DLX1: variants seen among roughly 807,000 people sequenced by gnomAD.
The protein encoded by DLX1 is distal-less homeobox 1.
Under a neutral mutation model 25.0 loss-of-function variants are expected in DLX1, and 7 were observed. The observed-to-expected ratio is 0.28, with a 90% confidence interval of 0.16 to 0.52. The LOEUF (loss-of-function observed/expected upper bound fraction) is 0.52, where lower values mean the gene tolerates loss of function less well. Ranked by LOEUF, DLX1 falls within the 20% of genes least tolerant of loss-of-function variation. The pLI is 0.96. For missense variants in DLX1, 233 were observed against 334.4 expected (o/e 0.70, Z 2.37); for synonymous variants, 155 against 140.3 (o/e 1.10, Z -0.74).
chr2:172,085,614 C>T lies in DLX1; in HGVS notation c.-64C>T. 1 of 1,526,838 alleles carries T rather than the reference C, an allele frequency of 6.5e-7. No individual in the cohort carries two copies. The highest frequency in any genetic ancestry group is 8.9e-7 in the Non-Finnish European group (1 of 1,129,910). 94.6% of individuals were successfully genotyped at this position (1,526,838 alleles called of 1,614,324 possible). A position where few individuals can be genotyped will look rare whatever the true frequency, so the allele number is the denominator to read the frequency against. ...TTGGGTTCCTTCCTGTCCTGAGAAA[C>T]ATAGAGACCCCCAAAAGGGAAGCAG... On this transcript the variant is annotated 5_prime_UTR_variant, in exon 1 of 3. Coordinates refer to ENST00000361725, the MANE Select transcript of DLX1 (RefSeq NM_178120.5). This position sits in a 1 kb window ranked among gnomAD's most constrained non-coding sequence, Gnocchi z 4.3.
At chr2:172,086,475 C>A (rs1162769428) in intron 1 of DLX1, 179 bp from the exon 2 acceptor site, 2 of 608,674 alleles carry the variant, frequency 3.3e-6, no homozygotes, top group Non-Finnish European at 5.6e-6. Context: ...ATCCCTCCTG[C>A]AGCGTCCCGG....
chr2:172,087,188 C>T (rs1000421233), intron 2 of DLX1: 11 of 524,716 alleles, frequency 2.1e-5, no homozygotes, highest in Middle Eastern at 3.5e-4. Context: ...CGGGCTTAAT[C>T]CCTCCTTTGC....
Position 172,088,436 on chromosome 2 carries a change from T to G in DLX1, c.*179T>G. The G allele has an allele frequency of 2.6e-6, 2 of 772,774 alleles. No individual in the cohort carries two copies. Among genetic ancestry groups the G allele is most frequent in the Non-Finnish European group, 3.6e-6 (2 of 550,516 alleles). 47.9% of individuals were successfully genotyped at this position (772,774 alleles called of 1,614,324 possible). A position where few individuals can be genotyped will look rare whatever the true frequency, so the allele number is the denominator to read the frequency against. Reference sequence around the variant, plus strand: ...CAGCAACTTCCCGGCATCCGCGCTCTAGCCTGAACCCTGGCCTGGGCCGAG... The same window carrying G: ...CAGCAACTTCCCGGCATCCGCGCTCGAGCCTGAACCCTGGCCTGGGCCGAG... On this transcript the variant is annotated 3_prime_UTR_variant, in exon 3 of 3. Coordinates refer to ENST00000361725, the MANE Select transcript of DLX1 (RefSeq NM_178120.5).
In DLX1 at chr2:172,088,391, G is replaced by C. The variant is rs910649773; in HGVS notation, c.*134G>C. The stretch of plus-strand genomic sequence containing the variant: ...AGGCGGGACGCCCTCCATCTCCTCG[G>C]AGCCCCGCGAGGTCCGGCCCAGCAA... On this transcript the variant is annotated 3_prime_UTR_variant, in exon 3 of 3. Coordinates refer to ENST00000361725, the MANE Select transcript of DLX1 (RefSeq NM_178120.5). 9.5e-5 allele frequency: 114 copies of C among 1,203,074 alleles called. No homozygotes were observed. Among genetic ancestry groups the C allele is most frequent in the Middle Eastern group, 3.0e-4 (1 of 3,324 alleles). 74.5% of individuals were successfully genotyped at this position (1,203,074 alleles called of 1,614,324 possible). A position where few individuals can be genotyped will look rare whatever the true frequency, so the allele number is the denominator to read the frequency against.
chr2:172,088,945 A>G lies in DLX1; in HGVS notation c.*688A>G, dbSNP rs1414938050. 1 of 152,264 alleles carries G rather than the reference A, an allele frequency of 6.6e-6. No homozygotes were observed. The highest frequency in any genetic ancestry group is 1.9e-4 in the East Asian group (1 of 5,208). The allele number at this position is 152,264 out of a possible 1,614,324, so 9.4% of individuals were successfully genotyped here. On this transcript the variant is annotated 3_prime_UTR_variant, in exon 3 of 3. Coordinates refer to ENST00000361725, the MANE Select transcript of DLX1 (RefSeq NM_178120.5). ...CAAACGCACTGTTTACTTTAAGCGCACGGGGAGAAACGAATAAGGAGGACG... is the reference window on the plus strand; with the variant it reads ...CAAACGCACTGTTTACTTTAAGCGCGCGGGGAGAAACGAATAAGGAGGACG...
intron 2 of DLX1, chr2:172,087,150 GT>G (rs1312185153): frequency 1.6e-5 from 10 of 640,936 alleles, no homozygotes; most frequent in Non-Finnish European, 2.7e-5. Context: ...GAGGTCACAC[GT>G]GCCTAAACAA....
Position 172,085,649 on chromosome 2 carries a change from A to G in DLX1, c.-29A>G. 6.3e-7 allele frequency: 1 copy of G among 1,591,518 alleles called. No homozygotes were observed. The highest frequency in any genetic ancestry group is 8.5e-7 in the Non-Finnish European group (1 of 1,169,670). On this transcript the variant is annotated 5_prime_UTR_variant, in exon 1 of 3. Coordinates refer to ENST00000361725, the MANE Select transcript of DLX1 (RefSeq NM_178120.5). This position sits in a 1 kb window ranked among gnomAD's most constrained non-coding sequence, Gnocchi z 4.3. ...CCCAAAAGGGAAGCAGAGGAGAGAA[A>G]GTCCCACACCCAGACCCCGCGAGAA... is the stretch of plus-strand genomic sequence containing the variant.
Position 172,088,259 on chromosome 2 carries a change from G to A in DLX1, c.*2G>A. 6.8e-7 allele frequency: 1 copy of A among 1,462,784 alleles called. No individual in the cohort carries two copies. Among genetic ancestry groups the A allele is most frequent in the Non-Finnish European group, 9.1e-7 (1 of 1,098,704 alleles). The allele number at this position is 1,462,784 out of a possible 1,614,324, so 90.6% of individuals were successfully genotyped here. A position where few individuals can be genotyped will look rare whatever the true frequency, so the allele number is the denominator to read the frequency against. ...ATGCAGCAACCCCAACTTATGTGAG[G>A]TTGCCCGCCCGTCTCCTTCTTGTCT... is the stretch of plus-strand genomic sequence containing the variant. On this transcript the variant is annotated 3_prime_UTR_variant, in exon 3 of 3. Coordinates refer to ENST00000361725, the MANE Select transcript of DLX1 (RefSeq NM_178120.5).
At chr2:172,086,493 C>A in intron 1 of DLX1, 161 bp from the exon 2 acceptor site, 1 of 668,162 alleles carries the variant, frequency 1.5e-6, no homozygotes, top group Non-Finnish European at 2.5e-6. Flanking sequence ...CGGGACAGGC[C>A]CTCGGATTTT....
Position 172,086,655 on chromosome 2 carries a change from G to C in DLX1, c.315G>C (p.Gly105=). The change falls in exon 2 of 3, where the codon GGG becomes GGC. Residue 105 remains glycine (G), a splice_region_variant and synonymous_variant. Transcript: ENST00000361725. ...GCCCTACTTCTGCTGTCCCTCCAGG[G>C]GCGGACTCGGAGAAGAGCACGGTGG... ...SLAQSRLEDP[G]ADSEKSTVVE... 6.5e-7 allele frequency: 1 copy of C among 1,530,426 alleles called. No homozygotes were observed. The allele number at this position is 1,530,426 out of a possible 1,614,324, so 94.8% of individuals were successfully genotyped here.
intron 2 of DLX1, chr2:172,087,238 C>A: frequency 2.5e-6 from 1 of 407,086 alleles, no homozygotes; most frequent in South Asian, 1.9e-5. Context: ...CCTGGGTCCG[C>A]GCCTCAGCCT....
intron 2 of DLX1, chr2:172,087,430 C>A (rs2105520288): frequency 2.4e-6 from 1 of 418,494 alleles, no homozygotes; most frequent in South Asian, 1.6e-5. Context: ...ACGTCCGGTC[C>A]GGGATTTGGA....
At chr2:172,086,978 C>A in intron 2 of DLX1, 125 bp downstream of exon 2, 1 of 965,994 alleles carries the variant, frequency 1.0e-6, no homozygotes, top group Non-Finnish European at 1.7e-6. Flanking sequence ...TGTTTGTGTC[C>A]ACCCCTGGCT....
In DLX1 at chr2:172,086,146, C is replaced by T. The variant is rs563354935; in HGVS notation, c.313+156C>T. The T allele has an allele frequency of 1.2e-3, 847 of 688,666 alleles. 1 individual carries two copies. Among genetic ancestry groups the T allele is most frequent in the Middle Eastern group, 2.5e-3 (6 of 2,426 alleles). The allele number at this position is 688,666 out of a possible 1,614,324, so 42.7% of individuals were successfully genotyped here. A position where few individuals can be genotyped will look rare whatever the true frequency, so the allele number is the denominator to read the frequency against. ...GAGGGCGCGGGAGCAGTGGAGGTTT[C>T]GAATATCAATCTATAGATCCTTGTC... On this transcript the variant is annotated intron_variant, in intron 1 of 2. Coordinates refer to ENST00000361725, the MANE Select transcript of DLX1 (RefSeq NM_178120.5).
Position 172,086,778 on chromosome 2 carries a change from G to T in DLX1, c.438G>T (p.Arg146Ser). ...TGCAGTTGCAGGCTTTGAACCGGAG[G>T]TTCCAGCAAACTCAGTACCTAGCTC... is the stretch of plus-strand genomic sequence containing the variant. ...SSLQLQALNRRFQQTQYLALP... is the reference protein window; with the variant it reads ...SSLQLQALNRSFQQTQYLALP... Residue 146 changes from arginine to serine, a missense_variant, in exon 2 of 3, where the codon AGG becomes AGT. Arg to Ser is a moderately radical substitution (Grantham distance 110). This residue lies in a region of DLX1 where 23 missense variants were observed against 82.2 expected (regional missense o/e 0.28). Coordinates refer to ENST00000361725, the MANE Select transcript of DLX1 (RefSeq NM_178120.5). 1 of 1,613,842 alleles carries T rather than the reference G, an allele frequency of 6.2e-7. No individual in the cohort carries two copies. Among genetic ancestry groups the T allele is most frequent in the Non-Finnish European group, 8.5e-7 (1 of 1,179,866 alleles).
At chr2:172,086,974 T>A in intron 2 of DLX1, 121 bp downstream of exon 2, 1 of 986,370 alleles carries the variant, frequency 1.0e-6, no homozygotes, top group Non-Finnish European at 1.6e-6. Context: ...TATGTGTTTG[T>A]GTCCACCCCT....
chr2:172,087,459 A>T (rs28539933), intron 2 of DLX1: 174 of 454,398 alleles, frequency 3.8e-4, no homozygotes, highest in African/African-American at 2.6e-3. Context: ...GGAGAAAGCA[A>T]ACAGACACTA....
In DLX1 at chr2:172,085,641, GGAGA is replaced by G. The variant is rs781367096; in HGVS notation, c.-34_-31del. On this transcript the variant is annotated 5_prime_UTR_variant, in exon 1 of 3. Transcript: ENST00000361725. This position sits in a 1 kb window ranked among gnomAD's most constrained non-coding sequence, Gnocchi z 4.3. ...TAGAGACCCCCAAAAGGGAAGCAGAGGAGAGAAAGTCCCACACCCAGACCCCGCG... is the reference window on the plus strand; with the variant it reads ...TAGAGACCCCCAAAAGGGAAGCAGAGGAAAGTCCCACACCCAGACCCCGCG... 1.1e-5 allele frequency: 17 copies of G among 1,585,662 alleles called. No homozygotes were observed. Among genetic ancestry groups the G allele is most frequent in the African/African-American group, 1.4e-5 (1 of 73,938 alleles).
At position 172,089,428 on chromosome 2, in the gene DLX1, C is replaced by T. The variant is rs908303956; in HGVS notation, c.*1171C>T. ...TTGTTCTGTAAACATGTTGCACAAG[C>T]TTAGCCTTTTTGCGTTCTGTTGTGT... On this transcript the variant is annotated 3_prime_UTR_variant, in exon 3 of 3. Transcript: ENST00000361725. 3 of 152,568 alleles carry T rather than the reference C, an allele frequency of 2.0e-5. No homozygotes were observed. The highest frequency in any genetic ancestry group is 4.4e-5 in the Non-Finnish European group (3 of 68,024). 9.5% of individuals were successfully genotyped at this position (152,568 alleles called of 1,614,324 possible). A position where few individuals can be genotyped will look rare whatever the true frequency, so the allele number is the denominator to read the frequency against.
Sources: gnomAD v4.1 joint callset for allele counts on GRCh38, gnomAD v4.1.1 for gene constraint, gnomAD v4.1.1 regional missense constraint, Gnocchi (gnomAD v3.1) non-coding constraint, MANE v1.5 for transcripts, NCBI Gene and HGNC (gene_info 2026-07-23, HGNC 2026-07-21) for gene names.